WWOX: variants seen among roughly 807,000 people sequenced by gnomAD.
The protein encoded by WWOX is WW domain containing oxidoreductase.
Under a neutral mutation model 46.2 loss-of-function variants are expected in WWOX, and 69 were observed. That is an observed-to-expected ratio of 1.49 (90% CI 1.23 to 1.82). The LOEUF (loss-of-function observed/expected upper bound fraction) is 1.82. WWOX is among the 40% of genes most tolerant of loss of function. WWOX has a pLI of 0.00. For synonymous variants in WWOX, 359 were observed against 202.6 expected (o/e 1.77, Z -6.56); for missense variants, 919 against 542.6 (o/e 1.69, Z -6.89).
intron 5 of WWOX, chr16:78,355,763 C>T (rs1371362505): frequency 4.3e-6 from 3 of 699,468 alleles, no homozygotes; most frequent in South Asian, 4.1e-5. Context: ...ATCAACAAAA[C>T]AGAATATTCC....
At chr16:78,559,687 A>C (rs995553701) in intron 8 of WWOX, among the ~76,000 whole-genome samples, 5 of 151,984 alleles carry the variant, frequency 3.3e-5, no homozygotes, top group African/African-American at 1.2e-4. Context: ...TTTTCTTTTT[A>C]ATCCTCCTCC....
chr16:79,025,933 G>C (rs1181813820), intron 8 of WWOX, among the ~76,000 whole-genome samples: 4 of 150,666 alleles, frequency 2.7e-5, no homozygotes, highest in Non-Finnish European at 5.9e-5. Context: ...CGAGTAGCTG[G>C]GATAATAGGT....
chr16:78,529,073 C>T (rs2043556366), intron 8 of WWOX, among the ~76,000 whole-genome samples: 1 of 151,818 alleles, frequency 6.6e-6, no homozygotes, highest in Non-Finnish European at 1.5e-5. Context: ...CCCACCTCAG[C>T]CTCCTGAGTC....
intron 8 of WWOX, among the ~76,000 whole-genome samples, chr16:78,917,834 A>G (rs369542063): frequency 6.6e-6 from 1 of 152,180 alleles, no homozygotes; most frequent in Non-Finnish European, 1.5e-5. Context: ...GATACTGACA[A>G]GGAATACATC....
intron 8 of WWOX, among the ~76,000 whole-genome samples, chr16:78,954,332 A>G (rs12930609): frequency 0.061 from 9,249 of 152,012 alleles, 376 homozygotes; most frequent in Middle Eastern, 0.092. Flanking sequence ...GGATGGAGGG[A>G]TGGATGGTTG....
chr16:78,542,311 C>CATG (rs1374993195), intron 8 of WWOX, among the ~76,000 whole-genome samples: 1 of 152,084 alleles, frequency 6.6e-6, no homozygotes, highest in Non-Finnish European at 1.5e-5. Context: ...CTCTAGATGA[C>CATG]ATGATGTACC....
At chr16:78,718,849 A>G (rs1231070686) in intron 8 of WWOX, among the ~76,000 whole-genome samples, 1 of 152,194 alleles carries the variant, frequency 6.6e-6, no homozygotes, top group Non-Finnish European at 1.5e-5. Flanking sequence ...GAATAAAGGC[A>G]TGGATGTGAC....
chr16:78,202,131 C>G (rs1048493901), intron 5 of WWOX, among the ~76,000 whole-genome samples: 1 of 152,190 alleles, frequency 6.6e-6, no homozygotes, highest in African/African-American at 2.4e-5. Context: ...AATAAGGGAA[C>G]AATTTTGACA....
rs535588894 is a variant in WWOX, at chr16:78,899,362, C to T, written c.1057-312246C>T. The T allele has an allele frequency of 1.5e-4, 23 of 152,232 alleles. No homozygotes were observed. In the East Asian group the frequency reaches 1.9e-3, roughly 13 times the overall value. The allele number at this position is 152,232 out of a possible 1,614,324, so 9.4% of individuals were successfully genotyped here. A position where few individuals can be genotyped will look rare whatever the true frequency, so the allele number is the denominator to read the frequency against. ...GCTCATTGGTTAAAAGGATTTGTTCCGGAAACCTAACTCCAAATCTTTGAA... is the reference window on the plus strand; with the variant it reads ...GCTCATTGGTTAAAAGGATTTGTTCTGGAAACCTAACTCCAAATCTTTGAA... On this transcript the variant is annotated intron_variant, in intron 8 of 8. Coordinates refer to ENST00000566780, the MANE Select transcript of WWOX (RefSeq NM_016373.4).
chr16:78,356,442 C>T (rs955311852), intron 5 of WWOX, among the ~76,000 whole-genome samples: 6 of 152,068 alleles, frequency 3.9e-5, no homozygotes, highest in Non-Finnish European at 8.8e-5. Context: ...AAATCTCAGT[C>T]CCCAGGCAGG....
At chr16:78,987,186 C>G (rs1302424627) in intron 8 of WWOX, among the ~76,000 whole-genome samples, 1 of 152,192 alleles carries the variant, frequency 6.6e-6, no homozygotes, top group Non-Finnish European at 1.5e-5. Context: ...AATTTAATGT[C>G]TCCCTGCATC....
intron 8 of WWOX, among the ~76,000 whole-genome samples, chr16:78,698,134 C>T (rs1187914436): frequency 6.6e-6 from 1 of 152,174 alleles, no homozygotes; most frequent in African/African-American, 2.4e-5. Context: ...TGAGGTTTCT[C>T]TTCTATGAAA....
At chr16:78,868,516 T>G (rs1484431026) in intron 8 of WWOX, among the ~76,000 whole-genome samples, 1 of 152,186 alleles carries the variant, frequency 6.6e-6, no homozygotes, top group South Asian at 2.1e-4. Flanking sequence ...TTAAATCATA[T>G]GGTATGTGAA....
chr16:78,702,222 G>C (rs9937000), intron 8 of WWOX, among the ~76,000 whole-genome samples: 84,122 of 147,774 alleles, frequency 0.57, 24,321 homozygotes, highest in Admixed American at 0.63. Context: ...CGAGGCGGCA[G>C]TGAGCAGTGA....
intron 8 of WWOX, among the ~76,000 whole-genome samples, chr16:78,703,782 G>A (rs1446267211): frequency 6.6e-6 from 1 of 151,982 alleles, no homozygotes; most frequent in Non-Finnish European, 1.5e-5. Flanking sequence ...GACTTCACAG[G>A]GAGAATATTT....
intron 8 of WWOX, among the ~76,000 whole-genome samples, chr16:78,557,845 A>G (rs577085969): frequency 6.6e-6 from 1 of 151,840 alleles, no homozygotes; most frequent in East Asian, 1.9e-4. Flanking sequence ...ATAGTCACCT[A>G]CCACCATACC....
chr16:78,626,969 G>T (rs1240837815), intron 8 of WWOX, among the ~76,000 whole-genome samples: 1 of 152,036 alleles, frequency 6.6e-6, no homozygotes, highest in Non-Finnish European at 1.5e-5. Context: ...CACACATCAT[G>T]GTGTGGTGTG....
chr16:79,087,252 G>A (rs865920723), intron 8 of WWOX, among the ~76,000 whole-genome samples: 1 of 152,238 alleles, frequency 6.6e-6, no homozygotes, highest in African/African-American at 2.4e-5. Flanking sequence ...CTCTTCCCCA[G>A]CCAGGAGCGT....
intron 8 of WWOX, among the ~76,000 whole-genome samples, chr16:78,889,226 TTATTA>T (rs1459053716): frequency 1.3e-5 from 2 of 152,172 alleles, no homozygotes; most frequent in Non-Finnish European, 2.9e-5. Context: ...AAGTAAAATT[TTATTA>T]AAATACAGCT....
Sources: allele counts gnomAD v4.1 joint callset (sites outside exome capture counted in the v4.1 genomes callset), GRCh38; gene constraint gnomAD v4.1.1; transcripts MANE v1.5; gene names NCBI Gene and HGNC (gene_info 2026-07-23, HGNC 2026-07-21).